The following CHRM4 variants were observed in gnomAD, a reference collection of about 807,000 sequenced individuals.
The protein encoded by CHRM4 is muscarinic acetylcholine receptor M4.
In CHRM4, 5 loss-of-function variants were observed where a neutral mutation model predicts 26.3. The observed-to-expected ratio is 0.19, with a 90% CI of 0.10 to 0.40. The LOEUF (loss-of-function observed/expected upper bound fraction) is 0.40, where lower values mean the gene tolerates loss of function less well. CHRM4 is among the 10% of genes least tolerant of loss of function. The pLI is 1.00. For missense variants in CHRM4, 402 were observed against 664.5 expected (o/e 0.60, Z 4.34); for synonymous variants, 290 against 285.3 (o/e 1.02, Z -0.16).
intron 1 of CHRM4, among the ~76,000 whole-genome samples, chr11:46,387,328 G>T (rs1313127190): frequency 1.3e-5 from 2 of 152,178 alleles, no homozygotes; most frequent in African/African-American, 4.8e-5. Context: ...TAGAGACAGG[G>T]TCTTGGTATG....
rs765048296 is a variant in CHRM4, at chr11:46,386,393, C to T, written c.165G>A (p.Leu55=). Residue 55 remains leucine, a synonymous_variant, in exon 2 of 2, where the codon CTG becomes CTA. Coordinates refer to ENST00000682254, the MANE Select transcript of CHRM4 (RefSeq NM_000741.5). This position sits in a 1 kb window ranked among gnomAD's most constrained non-coding sequence, Gnocchi z 5.8. ...VTVVGNILVM[L]SIKVNRQLQT... is the part of the protein sequence containing the mutation. ...GCAGCTGCCTGTTGACCTTGATGGA[C>T]AGCATCACCAGGATGTTGCCCACGA... 6 of 1,613,998 alleles carry T rather than the reference C, an allele frequency of 3.7e-6. No homozygotes were observed. In the East Asian group the frequency reaches 1.3e-4, roughly 36 times the overall value.
At position 46,391,306 on chromosome 11, in the gene CHRM4, C is replaced by T. The variant is rs1945389898; in HGVS notation, c.-30+225G>A. 6.6e-6 allele frequency among the ~76,000 whole-genome samples: 1 copy of T among 152,058 alleles called. No homozygotes were observed. The highest frequency in any genetic ancestry group is 1.5e-5 in the Non-Finnish European group (1 of 67,972). On this transcript the variant is annotated intron_variant, in intron 1 of 1. Coordinates refer to ENST00000682254, the MANE Select transcript of CHRM4 (RefSeq NM_000741.5). The surrounding 1 kb of genome is among the most constrained non-coding windows in gnomAD (Gnocchi z 6.3). ...GAGGGCTGGAGTACAGGGTCCCACC[C>T]CCGACGGCTGCCCCTGGCTCCGTGG...
chr11:46,389,403 C>A (rs1396510509), intron 1 of CHRM4, among the ~76,000 whole-genome samples: 1 of 152,218 alleles, frequency 6.6e-6, no homozygotes, highest in South Asian at 2.1e-4. Context: ...GCTGACAGGG[C>A]GAGGCTCAGG....
chr11:46,391,304 C>T lies in CHRM4; in HGVS notation c.-30+227G>A, dbSNP rs1945389727. On this transcript the variant is annotated intron_variant, in intron 1 of 1. Transcript: ENST00000682254. This position sits in a 1 kb window ranked among gnomAD's most constrained non-coding sequence, Gnocchi z 6.3. ...GGGAGGGCTGGAGTACAGGGTCCCA[C>T]CCCCGACGGCTGCCCCTGGCTCCGT... Among the ~76,000 whole-genome samples the T allele has an allele frequency of 6.6e-6, 1 of 152,094 alleles. No homozygotes were observed. Among genetic ancestry groups the T allele is most frequent in the Non-Finnish European group, 1.5e-5 (1 of 68,000 alleles).
rs540925434 is a variant in CHRM4, at chr11:46,391,199, G to A, written c.-30+332C>T. 2.6e-5 allele frequency among the ~76,000 whole-genome samples: 4 copies of A among 151,768 alleles called. No individual in the cohort carries two copies. Among genetic ancestry groups the A allele is most frequent in the African/African-American group, 9.6e-5 (4 of 41,452 alleles). On this transcript the variant is annotated intron_variant, in intron 1 of 1. Coordinates refer to ENST00000682254, the MANE Select transcript of CHRM4 (RefSeq NM_000741.5). The surrounding 1 kb of genome is among the most constrained non-coding windows in gnomAD (Gnocchi z 6.3). ...CTGGCAGCGCGGGGGCAAAGGGGTG[G>A]AGGGAGAGGGAGGGCGGGGAGACGG...
intron 1 of CHRM4, among the ~76,000 whole-genome samples, chr11:46,387,223 C>T (rs75842356): frequency 2.0e-5 from 3 of 152,160 alleles, no homozygotes; most frequent in Non-Finnish European, 4.4e-5. Context: ...AGGCAATAAT[C>T]GGGGTATGTA....
intron 1 of CHRM4, among the ~76,000 whole-genome samples, chr11:46,387,096 G>A (rs2136551178): frequency 7.0e-6 from 1 of 143,440 alleles, no homozygotes; most frequent in African/African-American, 2.4e-5. Flanking sequence ...GGAGGAGAGT[G>A]GTCCCAGAGG....
rs1945314968 is a variant in CHRM4, at chr11:46,384,691, ACAG to A, written c.*424_*426del. Among the ~76,000 whole-genome samples, 1 of 152,192 alleles carries A rather than the reference ACAG, an allele frequency of 6.6e-6. No homozygotes were observed. The highest frequency in any genetic ancestry group is 2.1e-4 in the South Asian group (1 of 4,828). On this transcript the variant is annotated 3_prime_UTR_variant, in exon 2 of 2. Coordinates refer to ENST00000682254, the MANE Select transcript of CHRM4 (RefSeq NM_000741.5). ...TGCAAGGGGGCAGAAAGCACCGATT[ACAG>A]CAGAATGGGGGACCCCACCCTTCTA...
In CHRM4 at chr11:46,386,758, C is replaced by T. The variant is rs1000159355; in HGVS notation, c.-29-172G>A. 9.0e-6 allele frequency: 6 copies of T among 663,368 alleles called. No individual in the cohort carries two copies. The highest frequency in any genetic ancestry group is 1.5e-5 in the Non-Finnish European group (6 of 394,642). The allele number at this position is 663,368 out of a possible 1,614,324, so 41.1% of individuals were successfully genotyped here. A position where few individuals can be genotyped will look rare whatever the true frequency, so the allele number is the denominator to read the frequency against. Reference sequence around the variant, plus strand: ...TCATTCAACATTAATTGAGCACCTACTATGTGGCAAGCATTGCTCAGGGTG... The same window carrying T: ...TCATTCAACATTAATTGAGCACCTATTATGTGGCAAGCATTGCTCAGGGTG... On this transcript the variant is annotated intron_variant, in intron 1 of 1. Coordinates refer to ENST00000682254, the MANE Select transcript of CHRM4 (RefSeq NM_000741.5). This position sits in a 1 kb window ranked among gnomAD's most constrained non-coding sequence, Gnocchi z 5.8.
rs1205584433 is a variant in CHRM4, at chr11:46,386,500, T to A, written c.58A>T (p.Thr20Ser). ...SSGNQSVRLV[T>S]SSSHNRYETV... ...TCATAGCGATTGTGGGATGATGACG[T>A]GACCAGGCGCACGGACTGATTGCCC... Residue 20 changes from threonine (T) to serine (S), a missense_variant, in exon 2 of 2, where the codon ACG (threonine) becomes TCG (serine). This residue lies in a region of CHRM4 where 92 missense variants were observed against 133.1 expected (regional missense o/e 0.69). Transcript: ENST00000682254. This position sits in a 1 kb window ranked among gnomAD's most constrained non-coding sequence, Gnocchi z 5.8. 6.2e-7 allele frequency: 1 copy of A among 1,613,522 alleles called. No individual in the cohort carries two copies. The highest frequency in any genetic ancestry group is 1.1e-5 in the South Asian group (1 of 91,082).
rs200458397 is a variant in CHRM4, at chr11:46,385,784, C to T, written c.774G>A (p.Pro258=). 1.3e-5 allele frequency: 20 copies of T among 1,594,878 alleles called. No individual in the cohort carries two copies. Among genetic ancestry groups the T allele is most frequent in the Middle Eastern group, 1.7e-4 (1 of 6,014 alleles). ...PLMKQSVKKP[P]PGEAAREELR... The stretch of plus-strand genomic sequence containing the variant: ...GCTCCTCCCGGGCGGCCTCCCCGGG[C>T]GGGGGCTTCTTGACGCTCTGCTTCA... Residue 258 remains proline, a synonymous_variant, in exon 2 of 2, where the codon CCG becomes CCA. Coordinates refer to ENST00000682254, the MANE Select transcript of CHRM4 (RefSeq NM_000741.5). This position sits in a 1 kb window ranked among gnomAD's most constrained non-coding sequence, Gnocchi z 6.3.
In CHRM4 at chr11:46,386,474, C is replaced by G; in HGVS notation, c.84G>C (p.Glu28Asp). 1 of 1,613,764 alleles carries G rather than the reference C, an allele frequency of 6.2e-7. No homozygotes were observed. The highest frequency in any genetic ancestry group is 8.5e-7 in the Non-Finnish European group (1 of 1,179,880). ...LVTSSSHNRY[E>D]TVEMVFIATV... ...TGGCAATGAAGACCATTTCCACCGT[C>G]TCATAGCGATTGTGGGATGATGACG... The change falls in exon 2 of 2, where the codon GAG becomes GAC. Residue 28 changes from glutamate (E) to aspartate (D), a missense_variant. Physicochemically the swap from Glu to Asp is conservative, Grantham distance 45 (BLOSUM62 2). Around this residue, in one of 5 missense-constraint regions of CHRM4, gnomAD observed 92 missense variants for 133.1 expected, o/e 0.69. Transcript: ENST00000682254. The surrounding 1 kb of genome is among the most constrained non-coding windows in gnomAD (Gnocchi z 5.8).
intron 1 of CHRM4, among the ~76,000 whole-genome samples, chr11:46,390,984 G>A (rs1399938528): frequency 6.6e-6 from 1 of 152,172 alleles, no homozygotes; most frequent in African/African-American, 2.4e-5. Flanking sequence ...CGAAGATTTG[G>A]CACCGACATT....
chr11:46,387,351 G>C (rs1413351929), intron 1 of CHRM4, among the ~76,000 whole-genome samples: 1 of 152,162 alleles, frequency 6.6e-6, no homozygotes, highest in East Asian at 1.9e-4. Context: ...GTCCAGGCTG[G>C]TCTAGAACTC....
In CHRM4 at chr11:46,385,857, G is replaced by A. The variant is rs369478387; in HGVS notation, c.701C>T (p.Pro234Leu). Reference sequence around the variant, plus strand: ...CAGCGTCTTGGCTTTCTTCTCCTTCGGGCCCTCGGGCCGGTGCTTGTGGAC... The same window carrying A: ...CAGCGTCTTGGCTTTCTTCTCCTTCAGGCCCTCGGGCCGGTGCTTGTGGAC... ...SRVHKHRPEG[P>L]KEKKAKTLAF... The change falls in exon 2 of 2, where the codon CCG becomes CTG. Residue 234 changes from proline to leucine, a missense_variant. Coordinates refer to ENST00000682254, the MANE Select transcript of CHRM4 (RefSeq NM_000741.5). The surrounding 1 kb of genome is among the most constrained non-coding windows in gnomAD (Gnocchi z 6.3). 10 of 1,606,642 alleles carry A rather than the reference G, an allele frequency of 6.2e-6. No homozygotes were observed. Among genetic ancestry groups the A allele is most frequent in the African/African-American group, 1.3e-5 (1 of 74,812 alleles).
rs1239031747 is a variant in CHRM4, at chr11:46,386,988, A to G, written c.-29-402T>C. On this transcript the variant is annotated intron_variant, in intron 1 of 1. Coordinates refer to ENST00000682254, the MANE Select transcript of CHRM4 (RefSeq NM_000741.5). This position sits in a 1 kb window ranked among gnomAD's most constrained non-coding sequence, Gnocchi z 5.8. ...GCCAGCCACAGGAGGAGCTGTGGAG[A>G]GTGGCCCTGCCAGGGGCAGTAGCCA... is the stretch of plus-strand genomic sequence containing the variant. 7.0e-6 allele frequency among the ~76,000 whole-genome samples: 1 copy of G among 143,342 alleles called. No homozygotes were observed. The highest frequency in any genetic ancestry group is 2.5e-5 in the African/African-American group (1 of 40,812). 94.0% of individuals were successfully genotyped at this position (143,342 alleles called of 152,430 possible). A position where few individuals can be genotyped will look rare whatever the true frequency, so the allele number is the denominator to read the frequency against.
intron 1 of CHRM4, among the ~76,000 whole-genome samples, chr11:46,389,992 C>A (rs1313694207): frequency 6.6e-6 from 1 of 152,206 alleles, no homozygotes; most frequent in Non-Finnish European, 1.5e-5. Context: ...CATGTGCATG[C>A]GTGTGCGTGC....
In CHRM4 at chr11:46,391,617, AC is replaced by A. The variant is rs1945394104; in HGVS notation, c.-117del. 6.7e-6 allele frequency among the ~76,000 whole-genome samples: 1 copy of A among 149,540 alleles called. No homozygotes were observed. Among genetic ancestry groups the A allele is most frequent in the Non-Finnish European group, 1.5e-5 (1 of 67,132 alleles). On this transcript the variant is annotated 5_prime_UTR_variant, in exon 1 of 2. Transcript: ENST00000682254. The surrounding 1 kb of genome is among the most constrained non-coding windows in gnomAD (Gnocchi z 6.3). ...CCCCCGCGCCGCCGCGGAGCCACTT[AC>A]CCGCCGCCTCTGCCCAGCTCCCCTC...
chr11:46,385,886 G>T lies in CHRM4; in HGVS notation c.672C>A (p.Ser224Arg). The change falls in exon 2 of 2, where the codon AGC (serine) becomes AGA (arginine). Residue 224 changes from serine (S) to arginine (R), a missense_variant. Physicochemically the swap from Ser to Arg is moderately radical, Grantham distance 110. Around this residue, in one of 5 missense-constraint regions of CHRM4, gnomAD observed 205 missense variants for 244.0 expected, o/e 0.84. Transcript: ENST00000682254. This position sits in a 1 kb window ranked among gnomAD's most constrained non-coding sequence, Gnocchi z 6.3. Reference protein sequence around the residue: ...LYIHISLASRSRVHKHRPEGP... With the variant: ...LYIHISLASRRRVHKHRPEGP... ...CCTCGGGCCGGTGCTTGTGGACTCGGCTGCGACTGGCCAGGGAGATGTGGA... is the reference window on the plus strand; with the variant it reads ...CCTCGGGCCGGTGCTTGTGGACTCGTCTGCGACTGGCCAGGGAGATGTGGA... 1 of 1,610,664 alleles carries T rather than the reference G, an allele frequency of 6.2e-7. No individual in the cohort carries two copies.
Sources: gnomAD v4.1 joint callset for allele counts (sites outside exome capture counted in the v4.1 genomes callset) on GRCh38, gnomAD v4.1.1 for gene constraint, gnomAD v4.1.1 regional missense constraint, Gnocchi (gnomAD v3.1) non-coding constraint, MANE v1.5 for transcripts, NCBI Gene and HGNC (gene_info 2026-07-23, HGNC 2026-07-21) for gene names.